EBF2: variants seen among roughly 807,000 people sequenced by gnomAD.
EBF2 encodes the protein EBF transcription factor 2.
A neutral mutation model predicts 72.8 loss-of-function variants in EBF2; 21 were observed. That is an observed-to-expected ratio of 0.29 (90% confidence interval 0.20 to 0.42). EBF2 has a LOEUF of 0.42. EBF2 is among the 10% of genes least tolerant of loss of function. The pLI is 1.00. For missense variants in EBF2, 637 were observed against 731.2 expected (o/e 0.87, Z 1.49); for synonymous variants, 299 against 274.2 (o/e 1.09, Z -0.89).
At chr8:25,931,076 G>A (rs754051041) in intron 6 of EBF2, among the ~76,000 whole-genome samples, 1 of 152,122 alleles carries the variant, frequency 6.6e-6, no homozygotes, top group Non-Finnish European at 1.5e-5. Context: ...TATTTTCAAT[G>A]TTCATTTCCC....
chr8:25,896,425 T>C (rs553064350), intron 7 of EBF2, among the ~76,000 whole-genome samples: 2 of 152,204 alleles, frequency 1.3e-5, no homozygotes, highest in South Asian at 4.1e-4. Flanking sequence ...ACCCTACTTA[T>C]GAATGTGCAT....
At chr8:25,893,596 T>A (rs911737627) in intron 7 of EBF2, among the ~76,000 whole-genome samples, 1 of 152,136 alleles carries the variant, frequency 6.6e-6, no homozygotes, top group South Asian at 2.1e-4. Context: ...TAATTCTTAA[T>A]GAGCTGTCCT....
chr8:26,023,696 G>T (rs1397221781), intron 6 of EBF2, among the ~76,000 whole-genome samples: 1 of 152,170 alleles, frequency 6.6e-6, no homozygotes, highest in African/African-American at 2.4e-5. Context: ...TCCCCGCAAT[G>T]AATCTGAGCT....
chr8:25,927,103 A>G (rs1244345801), intron 6 of EBF2, among the ~76,000 whole-genome samples: 1 of 152,176 alleles, frequency 6.6e-6, no homozygotes, highest in African/African-American at 2.4e-5. Context: ...ATTACCCTTG[A>G]TAATGTGGAT....
intron 6 of EBF2, 122 bp from the exon 7 acceptor site, chr8:25,908,677 G>A: frequency 1.4e-6 from 1 of 709,740 alleles, no homozygotes; most frequent in Non-Finnish European, 2.4e-6. Flanking sequence ...ATTTCAACCT[G>A]CCCTGCCTGT....
chr8:25,974,019 C>T (rs1281409670), intron 6 of EBF2, among the ~76,000 whole-genome samples: 1 of 152,172 alleles, frequency 6.6e-6, no homozygotes, highest in African/African-American at 2.4e-5. Context: ...GGGCTTTCTG[C>T]TCATTTCCAG....
rs1320085945 is a variant in EBF2 at position 25,884,715 on chromosome 8, C to G, written c.1009+2040G>C. Among the ~76,000 whole-genome samples, 4 of 152,136 alleles carry G rather than the reference C, an allele frequency of 2.6e-5. No individual in the cohort carries two copies. In the East Asian group the frequency reaches 7.7e-4, roughly 29 times the overall value. On this transcript the variant is annotated intron_variant, in intron 10 of 15. Transcript: ENST00000520164. ...ATGAATGAACTATATCCCTTTGGAGCTGGAACAGTAACTTTTTTATTGTGA... is the reference window on the plus strand; with the variant it reads ...ATGAATGAACTATATCCCTTTGGAGGTGGAACAGTAACTTTTTTATTGTGA...
intron 6 of EBF2, among the ~76,000 whole-genome samples, chr8:25,974,447 G>C (rs980220955): frequency 1.3e-5 from 2 of 152,170 alleles, no homozygotes; most frequent in African/African-American, 4.8e-5. Context: ...AAGTATCCCA[G>C]TTATCAAAGT....
At chr8:25,969,879 G>A (rs998444260) in intron 6 of EBF2, among the ~76,000 whole-genome samples, 1 of 152,176 alleles carries the variant, frequency 6.6e-6, no homozygotes, top group Non-Finnish European at 1.5e-5. Context: ...AGCAATATCT[G>A]TTTCTTGGGG....
At chr8:26,023,638 T>A (rs538907597) in intron 6 of EBF2, among the ~76,000 whole-genome samples, 1 of 152,128 alleles carries the variant, frequency 6.6e-6, no homozygotes, top group East Asian at 1.9e-4. Context: ...CTCACAAACA[T>A]CCAGGCTACT....
At chr8:25,870,824 A>G (rs1001638036) in intron 10 of EBF2, among the ~76,000 whole-genome samples, 4 of 152,110 alleles carry the variant, frequency 2.6e-5, no homozygotes, top group East Asian at 3.9e-4. Context: ...GTTTTTTGGC[A>G]GGTCCCTGCC....
intron 6 of EBF2, among the ~76,000 whole-genome samples, chr8:25,921,570 A>G (rs1803306206): frequency 6.6e-6 from 1 of 152,210 alleles, no homozygotes. Context: ...TAAAGCCTCT[A>G]TTAACTCTAT....
intron 10 of EBF2, among the ~76,000 whole-genome samples, chr8:25,865,401 C>T (rs888252383): frequency 6.6e-6 from 1 of 152,018 alleles, no homozygotes; most frequent in Non-Finnish European, 1.5e-5. Flanking sequence ...CTGTGTTTTA[C>T]ACATCTGTGC....
At chr8:25,860,200 CT>C (rs34410792) in intron 13 of EBF2, among the ~76,000 whole-genome samples, 2,256 of 152,284 alleles carry the variant, frequency 0.015, 112 homozygotes, top group Admixed American at 0.092. Context: ...ATGCAAATGT[CT>C]TTACACGGTC....
At position 26,040,676 on chromosome 8, in the gene EBF2, G is replaced by A; in HGVS notation, c.353-5C>T. 6.4e-7 allele frequency: 1 copy of A among 1,554,408 alleles called. No homozygotes were observed. The highest frequency in any genetic ancestry group is 2.4e-5 in the East Asian group (1 of 41,272). ...GGTCCTGTTCCGTGCGGACACCTGC[G>A]GGGACCGGAGGGGCACGAGTCAAGG... On this transcript the variant is annotated splice_region_variant and splice_polypyrimidine_tract_variant and intron_variant, in intron 3 of 15. Coordinates refer to ENST00000520164, the MANE Select transcript of EBF2 (RefSeq NM_022659.4).
At chr8:25,899,710 C>G (rs536918401) in intron 7 of EBF2, among the ~76,000 whole-genome samples, 1 of 152,308 alleles carries the variant, frequency 6.6e-6, no homozygotes, top group African/African-American at 2.4e-5. Flanking sequence ...GCTCTCACGT[C>G]GTTTAGTAAA....
chr8:26,043,334 C>A (rs561547323), intron 1 of EBF2, among the ~76,000 whole-genome samples: 1 of 152,372 alleles, frequency 6.6e-6, no homozygotes, highest in South Asian at 2.1e-4. Context: ...AAAGGGGTAA[C>A]ATTTTGGCTA....
intron 6 of EBF2, among the ~76,000 whole-genome samples, chr8:25,944,320 C>A (rs1042459316): frequency 2.0e-5 from 3 of 152,090 alleles, no homozygotes; most frequent in African/African-American, 7.2e-5. Flanking sequence ...CTTGTAAGAG[C>A]ATCTCTTACT....
At position 26,035,845 on chromosome 8, in the gene EBF2, C is replaced by T. The variant is rs189455296; in HGVS notation, c.483-2692G>A. ...AATAAAAATGCAGGCCAGCTGCTCT[C>T]CCACCTCCTAAAGCCCTTGTCTCTC... On this transcript the variant is annotated intron_variant, in intron 5 of 15. Transcript: ENST00000520164. Among the ~76,000 whole-genome samples, 66 of 152,260 alleles carry T rather than the reference C, an allele frequency of 4.3e-4. 1 individual carries two copies. The Middle Eastern group carries it at 0.014, about 31-fold the overall frequency.
Sources: gnomAD v4.1 joint callset for allele counts (sites outside exome capture counted in the v4.1 genomes callset) on GRCh38, gnomAD v4.1.1 for gene constraint, MANE v1.5 for transcripts, NCBI Gene and HGNC (gene_info 2026-07-23, HGNC 2026-07-21) for gene names.